TENM3: variants seen among roughly 807,000 people sequenced by gnomAD.
The protein encoded by TENM3 is teneurin transmembrane protein 3, also known as teneurin-3.
In TENM3, 63 loss-of-function variants were observed where a neutral mutation model predicts 255.1. The observed-to-expected ratio is 0.25, with a 90% CI of 0.20 to 0.30. The LOEUF is 0.30. Among genes scored for constraint, TENM3 ranks in the 10% least tolerant of loss-of-function variants. The pLI, the probability that TENM3 is intolerant of heterozygous loss-of-function variation, is 1.00. For synonymous variants in TENM3, 1,306 were observed against 1,322.3 expected (o/e 0.99, Z 0.27); for missense variants, 2,929 against 3,461.1 (o/e 0.85, Z 3.86).
intron 5 of TENM3, among the ~76,000 whole-genome samples, chr4:182,635,459 GT>G (rs947440977): frequency 4.6e-5 from 7 of 152,036 alleles, no homozygotes; most frequent in African/African-American, 1.7e-4. Context: ...ATACCCAATA[GT>G]TTTTTTATCC....
At chr4:181,698,655 A>G in the TENM3 span, among the ~76,000 whole-genome samples, 1 of 152,188 alleles carries the variant, frequency 6.6e-6, no homozygotes, top group Non-Finnish European at 1.5e-5. Flanking sequence ...CAAGATTCTA[A>G]CCTCAAATCT....
At chr4:182,269,568 C>T (rs549656844) in intron 1 of TENM3, among the ~76,000 whole-genome samples, 2 of 152,020 alleles carry the variant, frequency 1.3e-5, no homozygotes, top group Admixed American at 6.6e-5. Context: ...ATCTAAAAAT[C>T]GGACAAACTC....
chr4:181,675,621 A>G, the TENM3 span, among the ~76,000 whole-genome samples: 1 of 152,138 alleles, frequency 6.6e-6, no homozygotes, highest in South Asian at 2.1e-4. Context: ...CATGGCAGAG[A>G]CACTCTAGGT....
the TENM3 span, among the ~76,000 whole-genome samples, chr4:182,046,497 A>G: frequency 6.6e-6 from 1 of 151,806 alleles, no homozygotes; most frequent in East Asian, 1.9e-4. Context: ...TGAGGTCAGG[A>G]GTCTGAGACC....
At chr4:182,752,053 G>A in intron 20 of TENM3, 21 bp downstream of exon 20, 1 of 1,332,678 alleles carries the variant, frequency 7.5e-7, no homozygotes, top group East Asian at 2.6e-5. Flanking sequence ...TTGGCGATTT[G>A]AGGATTTCTT....
At chr4:181,723,249 T>C in the TENM3 span, among the ~76,000 whole-genome samples, 1 of 151,192 alleles carries the variant, frequency 6.6e-6, no homozygotes, top group Non-Finnish European at 1.5e-5. Context: ...CTTAAATCTC[T>C]GAAGCAATAC....
intron 1 of TENM3, among the ~76,000 whole-genome samples, chr4:182,175,312 A>ATATAT (rs1228001808): frequency 1.4e-4 from 11 of 79,300 alleles, no homozygotes; most frequent in South Asian, 6.7e-4. Flanking sequence ...TAAAAAAAAA[A>ATATAT]AAATATATAT....
chr4:182,786,975 T>C (rs188623873), intron 24 of TENM3, among the ~76,000 whole-genome samples: 57 of 152,264 alleles, frequency 3.7e-4, no homozygotes, highest in African/African-American at 1.2e-3. Flanking sequence ...AAAATTAGAG[T>C]GCAGGTATAA....
chr4:182,155,197 G>A (rs912585875), intron 1 of TENM3, among the ~76,000 whole-genome samples: 1 of 152,084 alleles, frequency 6.6e-6, no homozygotes, highest in Admixed American at 6.6e-5. Flanking sequence ...TTATTATGGG[G>A]AATTAATTTT....
chr4:182,753,124 T>G (rs914975701), intron 20 of TENM3, among the ~76,000 whole-genome samples: 4 of 152,050 alleles, frequency 2.6e-5, no homozygotes, highest in African/African-American at 9.7e-5. Flanking sequence ...TTTGTGTGTT[T>G]TTTAGTAGAG....
At position 182,680,646 on chromosome 4, in the gene TENM3, G is replaced by T. The variant is rs367968153; in HGVS notation, c.1743G>T (p.Gln581His). 6.2e-7 allele frequency: 1 copy of T among 1,613,112 alleles called. No homozygotes were observed. The highest frequency in any genetic ancestry group is 1.3e-5 in the African/African-American group (1 of 74,824). The change falls in exon 10 of 28, where the codon CAG becomes CAT. Residue 581 changes from glutamine to histidine, a missense_variant. Gln to His is a conservative substitution (Grantham distance 24). Coordinates refer to ENST00000511685, the MANE Select transcript of TENM3 (RefSeq NM_001080477.4). ...CCGAGTGTGATGTGCCGACTACCCA[G>T]TGTATTGACCCACAGTGTGGGGGTC... ...KGTECDVPTT[Q>H]CIDPQCGGRG...
the TENM3 span, among the ~76,000 whole-genome samples, chr4:181,659,744 T>C: frequency 6.6e-6 from 1 of 152,144 alleles, no homozygotes; most frequent in African/African-American, 2.4e-5. Context: ...GGTTTGAAGG[T>C]TTCCCCTTAG....
the TENM3 span, among the ~76,000 whole-genome samples, chr4:181,605,564 A>AGAGAGAG: frequency 2.8e-4 from 7 of 25,026 alleles, no homozygotes; most frequent in African/African-American, 6.6e-4. Flanking sequence ...GAAAGAAAGA[A>AGAGAGAG]AGAAAGAGAG....
chr4:181,604,172 G>A, the TENM3 span, among the ~76,000 whole-genome samples: 1 of 152,162 alleles, frequency 6.6e-6, no homozygotes, highest in Non-Finnish European at 1.5e-5. Flanking sequence ...GGCTGAGGCA[G>A]GAGAATGGCG....
the TENM3 span, among the ~76,000 whole-genome samples, chr4:181,942,765 G>A: frequency 3.3e-5 from 5 of 151,958 alleles, no homozygotes; most frequent in African/African-American, 9.7e-5. Context: ...AAATGAGGGA[G>A]AATGGAAAAA....
At chr4:181,824,038 T>A in the TENM3 span, among the ~76,000 whole-genome samples, 1 of 152,208 alleles carries the variant, frequency 6.6e-6, no homozygotes, top group Non-Finnish European at 1.5e-5. Flanking sequence ...CAGTTCCTGC[T>A]GAACATGCTG....
the TENM3 span, among the ~76,000 whole-genome samples, chr4:182,004,436 A>G: frequency 6.6e-6 from 1 of 152,072 alleles, no homozygotes; most frequent in African/African-American, 2.4e-5. Flanking sequence ...CATGGTGTAT[A>G]CTATGGGTGT....
intron 24 of TENM3, among the ~76,000 whole-genome samples, chr4:182,780,203 T>C (rs1332164534): frequency 6.6e-6 from 1 of 151,706 alleles, no homozygotes; most frequent in Non-Finnish European, 1.5e-5. Context: ...AACGTTTAAG[T>C]CTTTAATCCA....
the TENM3 span, among the ~76,000 whole-genome samples, chr4:181,653,194 C>T: frequency 6.6e-6 from 1 of 152,174 alleles, no homozygotes; most frequent in African/African-American, 2.4e-5. Context: ...GCCAGGGACT[C>T]TCAGGCTTCC....
Sources: allele counts gnomAD v4.1 joint callset (sites outside exome capture counted in the v4.1 genomes callset), GRCh38; gene constraint gnomAD v4.1.1; transcripts MANE v1.5; gene names NCBI Gene and HGNC (gene_info 2026-07-23, HGNC 2026-07-21).